The following HTRA3 variants were observed in gnomAD, a reference collection of about 807,000 sequenced individuals.
HTRA3 encodes serine protease HTRA3.
In HTRA3, 41 loss-of-function variants were observed where a neutral mutation model predicts 43.2. That is an observed-to-expected ratio of 0.95 (90% CI 0.74 to 1.23). HTRA3 has a LOEUF of 1.23. HTRA3 is among the 50% of genes most tolerant of loss of function. The pLI is 0.00. For synonymous variants in HTRA3, 295 were observed against 287.9 expected (o/e 1.02, Z -0.25); for missense variants, 628 against 647.1 (o/e 0.97, Z 0.32).
chr4:8,276,836 A>C (rs541449157), intron 1 of HTRA3, among the ~76,000 whole-genome samples: 1 of 152,382 alleles, frequency 6.6e-6, no homozygotes, highest in East Asian at 1.9e-4. Flanking sequence ...CGCCCAGGTC[A>C]GGGCTTGCGG....
intron 1 of HTRA3, among the ~76,000 whole-genome samples, chr4:8,281,951 C>T (rs1712763088): frequency 6.6e-6 from 1 of 152,218 alleles, no homozygotes; most frequent in Non-Finnish European, 1.5e-5. Context: ...GGGTCTTCCA[C>T]TACACCCCCG....
chr4:8,305,946 G>T, intron 8 of HTRA3, 25 bp from the exon 9 acceptor site: 6 of 1,610,998 alleles, frequency 3.7e-6, no homozygotes, highest in Non-Finnish European at 5.1e-6. Flanking sequence ...GCGGTGGGTG[G>T]TGACCCCGTC....
intron 2 of HTRA3, among the ~76,000 whole-genome samples, chr4:8,284,643 C>T (rs896208175): frequency 1.3e-5 from 2 of 152,336 alleles, no homozygotes; most frequent in African/African-American, 2.4e-5. Flanking sequence ...AGTTCCTACT[C>T]TGGGGCACAC....
rs748970936 is a variant in HTRA3, at chr4:8,297,591, C to G, written c.1051+3390C>G. On this transcript the variant is annotated intron_variant, in intron 6 of 8. Coordinates refer to ENST00000307358, the MANE Select transcript of HTRA3 (RefSeq NM_053044.5). The surrounding 1 kb of genome is among the most constrained non-coding windows in gnomAD (Gnocchi z 5.8). Reference sequence around the variant, plus strand: ...GAGGGCTGCATGACGGGGCAGGAGACCTCTCTGAGGAGGTGACCCACCTCC... The same window carrying G: ...GAGGGCTGCATGACGGGGCAGGAGAGCTCTCTGAGGAGGTGACCCACCTCC... 2.6e-5 allele frequency among the ~76,000 whole-genome samples: 4 copies of G among 152,012 alleles called. No homozygotes were observed. Among genetic ancestry groups the G allele is most frequent in the Non-Finnish European group, 5.9e-5 (4 of 68,002 alleles).
intron 1 of HTRA3, among the ~76,000 whole-genome samples, chr4:8,271,099 C>T (rs936867700): frequency 2.0e-5 from 3 of 152,126 alleles, no homozygotes; most frequent in Admixed American, 2.0e-4. Context: ...CAGGGTCCTG[C>T]GTGCCATCAG....
chr4:8,294,625 C>T (rs1200023948), intron 6 of HTRA3, among the ~76,000 whole-genome samples: 88 of 4,484 alleles, frequency 0.02, 2 homozygotes, highest in African/African-American at 0.088. Context: ...TCCATCCATC[C>T]ATCCATCCAT....
Position 8,286,651 on chromosome 4 carries a change from G to C in HTRA3, c.576G>C (p.Val192=). Residue 192 remains valine, a synonymous_variant, in exon 3 of 9, where the codon GTG becomes GTC. Coordinates refer to ENST00000307358, the MANE Select transcript of HTRA3 (RefSeq NM_053044.5). This position sits in a 1 kb window ranked among gnomAD's most constrained non-coding sequence, Gnocchi z 4.9. ...GCCTGATCATCACCAATGCCCACGT[G>C]GTGTCCAGCAACAGTGCTGCCCCGG... is the stretch of plus-strand genomic sequence containing the variant. ...EAGLIITNAH[V]VSSNSAAPGR... 6.2e-7 allele frequency: 1 copy of C among 1,614,166 alleles called. No individual in the cohort carries two copies. The highest frequency in any genetic ancestry group is 8.5e-7 in the Non-Finnish European group (1 of 1,180,032).
intron 2 of HTRA3, among the ~76,000 whole-genome samples, chr4:8,284,021 A>T (rs1489584119): frequency 6.6e-6 from 1 of 152,138 alleles, no homozygotes; most frequent in African/African-American, 2.4e-5. Flanking sequence ...GGGGTGTGAG[A>T]GCGCGTGACG....
At chr4:8,304,786 G>A (rs573136113) in intron 8 of HTRA3, among the ~76,000 whole-genome samples, 1 of 150,562 alleles carries the variant, frequency 6.6e-6, no homozygotes, top group East Asian at 2.0e-4. Context: ...CTTCTGAGTA[G>A]CTCAGATTAC....
chr4:8,280,989 G>T (rs1225173969), intron 1 of HTRA3, among the ~76,000 whole-genome samples: 1 of 152,224 alleles, frequency 6.6e-6, no homozygotes, highest in African/African-American at 2.4e-5. Context: ...TGCGGCCTGC[G>T]TTCAGATCCT....
At chr4:8,276,887 A>C (rs1367875810) in intron 1 of HTRA3, among the ~76,000 whole-genome samples, 1 of 152,232 alleles carries the variant, frequency 6.6e-6, no homozygotes, top group African/African-American at 2.4e-5. Context: ...TGGCCTCTCT[A>C]AGCCTTGTTT....
At chr4:8,299,411 T>C (rs1713561349) in intron 6 of HTRA3, among the ~76,000 whole-genome samples, 1 of 152,222 alleles carries the variant, frequency 6.6e-6, no homozygotes, top group Non-Finnish European at 1.5e-5. Flanking sequence ...ATTTCCTACA[T>C]AGATGGCTAT....
intron 3 of HTRA3, among the ~76,000 whole-genome samples, chr4:8,290,994 G>T (rs1363734593): frequency 6.6e-6 from 1 of 152,196 alleles, no homozygotes; most frequent in Non-Finnish European, 1.5e-5. Context: ...TGGTGCATAT[G>T]GTGTAGTAGT....
chr4:8,288,058 C>T (rs908650022), intron 3 of HTRA3, among the ~76,000 whole-genome samples: 2 of 152,206 alleles, frequency 1.3e-5, no homozygotes, highest in South Asian at 2.1e-4. Context: ...TCTGAATGAA[C>T]GTTTACAGCA....
intron 6 of HTRA3, among the ~76,000 whole-genome samples, chr4:8,301,391 G>T (rs573543365): frequency 2.7e-3 from 395 of 146,112 alleles, no homozygotes; most frequent in Non-Finnish European, 4.9e-3. Context: ...TTCACTATCA[G>T]GTTTATTATT....
chr4:8,278,753 G>A (rs1712628549), intron 1 of HTRA3, among the ~76,000 whole-genome samples: 1 of 152,186 alleles, frequency 6.6e-6, no homozygotes, highest in African/African-American at 2.4e-5. Context: ...GCAGACCTGG[G>A]CCAGCGCCAG....
chr4:8,301,692 C>T (rs1713662243), intron 6 of HTRA3, among the ~76,000 whole-genome samples: 2 of 152,058 alleles, frequency 1.3e-5, no homozygotes, highest in African/African-American at 4.8e-5. Context: ...TTCCCTCTAC[C>T]TCTACAACCT....
At chr4:8,302,225 G>C (rs540966263) in intron 6 of HTRA3, among the ~76,000 whole-genome samples, 1 of 152,156 alleles carries the variant, frequency 6.6e-6, no homozygotes, top group African/African-American at 2.4e-5. Context: ...GGATGCGGTG[G>C]ACATGAAGCC....
At chr4:8,305,753 C>T (rs79326331) in intron 8 of HTRA3, among the ~76,000 whole-genome samples, 4,226 of 152,202 alleles carry the variant, frequency 0.028, 105 homozygotes, top group Non-Finnish European at 0.043. Flanking sequence ...ACCCTTCTGA[C>T]GCATGGGAGA....
Sources: gnomAD v4.1 joint callset for allele counts (sites outside exome capture counted in the v4.1 genomes callset) on GRCh38, gnomAD v4.1.1 for gene constraint, Gnocchi (gnomAD v3.1) non-coding constraint, MANE v1.5 for transcripts, NCBI Gene and HGNC (gene_info 2026-07-23, HGNC 2026-07-21) for gene names.